The following FIG4 variants were observed in gnomAD, a reference collection of about 807,000 sequenced individuals.
FIG4 encodes polyphosphoinositide phosphatase.
Under a neutral mutation model 118.6 loss-of-function variants are expected in FIG4, and 112 were observed. That is an observed-to-expected ratio of 0.94 (90% CI 0.81 to 1.11). The LOEUF is 1.11. Among genes scored for constraint, FIG4 ranks in the 50% least tolerant of loss-of-function variants. FIG4 has a pLI of 0.00. For synonymous variants in FIG4, 369 were observed against 381.2 expected (o/e 0.97, Z 0.37); for missense variants, 969 against 1,111.7 (o/e 0.87, Z 1.83).
intron 22 of FIG4, among the ~76,000 whole-genome samples, chr6:109,805,043 T>A (rs1052865232): frequency 9.2e-5 from 14 of 152,208 alleles, no homozygotes; most frequent in African/African-American, 3.4e-4. Flanking sequence ...ACAAGGCAGA[T>A]GATAAATATT....
chr6:109,808,671 T>C (rs1305431155), intron 22 of FIG4, among the ~76,000 whole-genome samples: 1 of 152,198 alleles, frequency 6.6e-6, no homozygotes, highest in Non-Finnish European at 1.5e-5. Flanking sequence ...AGACAAACTA[T>C]GTTTCTTTGG....
At position 109,743,228 on chromosome 6, in the gene FIG4, G is replaced by C; in HGVS notation, c.995G>C (p.Trp332Ser). Residue 332 changes from tryptophan to serine, a missense_variant, in exon 9 of 23, where the codon TGG (tryptophan) becomes TCG (serine). By Grantham distance (177) the Trp-to-Ser change is radical. Transcript: ENST00000230124. ...VQVRGSVPLY[W>S]SQDISTMMPK... ...GTTAGAGGATCTGTGCCCTTATACT[G>C]GTCTCAGGACATTTCAACTATGATG... 1 of 1,612,846 alleles carries C rather than the reference G, an allele frequency of 6.2e-7. No homozygotes were observed. Among genetic ancestry groups the C allele is most frequent in the South Asian group, 1.1e-5 (1 of 91,072 alleles).
chr6:109,699,423 AT>A (rs1774832092), intron 1 of FIG4, among the ~76,000 whole-genome samples: 1 of 148,066 alleles, frequency 6.8e-6, no homozygotes, highest in African/African-American at 2.5e-5. Flanking sequence ...AATTTTCTAT[AT>A]TGTGTATTTT....
At position 109,792,596 on chromosome 6, in the gene FIG4, C is replaced by A; in HGVS notation, c.2391C>A (p.Pro797=). 1 of 1,600,686 alleles carries A rather than the reference C, an allele frequency of 6.2e-7. No homozygotes were observed. Among genetic ancestry groups the A allele is most frequent in the Non-Finnish European group, 8.6e-7 (1 of 1,168,678 alleles). The change falls in exon 21 of 23, where the codon CCC becomes CCA. Residue 797 remains proline (P), a synonymous_variant. Transcript: ENST00000230124. The stretch of plus-strand genomic sequence containing the variant: ...TTAAACCCCAGAATGTGGTCCAACC[C>A]ATGAAGGAGCTATATGGAATTAACC... ...SAKVTENVVQ[P]MKELYGINLS...
At chr6:109,793,912 A>G (rs1346056743) in intron 21 of FIG4, among the ~76,000 whole-genome samples, 5 of 152,226 alleles carry the variant, frequency 3.3e-5, no homozygotes, top group African/African-American at 4.8e-5. Context: ...ACTCTGACAC[A>G]CAAACACACA....
In FIG4 at chr6:109,784,959, T is replaced by C; in HGVS notation, c.1890-11T>C. Reference sequence around the variant, plus strand: ...TTTGGTTCATCTTTTTTTTTAATTTTTATTTTATAGTTATACTTACTGGTG... The same window carrying C: ...TTTGGTTCATCTTTTTTTTTAATTTCTATTTTATAGTTATACTTACTGGTG... On this transcript the variant is annotated splice_polypyrimidine_tract_variant and intron_variant, in intron 16 of 22. Transcript: ENST00000230124. The C allele has an allele frequency of 6.9e-7, 1 of 1,449,780 alleles. No individual in the cohort carries two copies. The highest frequency in any genetic ancestry group is 9.5e-7 in the Non-Finnish European group (1 of 1,054,282). 89.8% of individuals were successfully genotyped at this position (1,449,780 alleles called of 1,614,324 possible). A position where few individuals can be genotyped will look rare whatever the true frequency, so the allele number is the denominator to read the frequency against.
Position 109,799,010 on chromosome 6 carries a change from A to G in FIG4, c.2546+2159A>G, listed in dbSNP as rs565242287. 7.2e-5 allele frequency among the ~76,000 whole-genome samples: 11 copies of G among 152,330 alleles called. 1 individual carries two copies. In the South Asian group the frequency reaches 2.3e-3, roughly 32 times the overall value. On this transcript the variant is annotated intron_variant, in intron 22 of 22. Transcript: ENST00000230124. ...TTGTATTATACAAAGTGATTATTCC[A>G]CTAAAATAATATGATACAACTTAGG... is the stretch of plus-strand genomic sequence containing the variant.
At chr6:109,735,585 C>T (rs934557106) in intron 6 of FIG4, among the ~76,000 whole-genome samples, 1 of 152,018 alleles carries the variant, frequency 6.6e-6, no homozygotes, top group African/African-American at 2.4e-5. Flanking sequence ...ACATGGTGTG[C>T]AGAGGTGAAG....
intron 16 of FIG4, among the ~76,000 whole-genome samples, chr6:109,783,980 C>T (rs186345953): frequency 1.3e-5 from 2 of 152,264 alleles, no homozygotes; most frequent in Admixed American, 6.5e-5. Context: ...GCTTGCCATC[C>T]CTAGGAGAGT....
intron 22 of FIG4, among the ~76,000 whole-genome samples, chr6:109,807,284 T>C (rs1486330567): frequency 6.6e-6 from 1 of 152,236 alleles, no homozygotes; most frequent in Admixed American, 6.5e-5. Flanking sequence ...GTTTCCTGAC[T>C]TTTAAATGAT....
At chr6:109,822,863 T>C (rs1487233207) in intron 22 of FIG4, among the ~76,000 whole-genome samples, 1 of 147,842 alleles carries the variant, frequency 6.8e-6, no homozygotes, top group East Asian at 2.0e-4. Context: ...AGAATACATA[T>C]ACATATATAA....
chr6:109,795,216 C>T (rs554849413), intron 21 of FIG4, among the ~76,000 whole-genome samples: 11 of 146,346 alleles, frequency 7.5e-5, no homozygotes, highest in African/African-American at 1.3e-4. Context: ...GCTCCGCTTC[C>T]GGGGTTCACG....
At chr6:109,718,257 A>G (rs180931770) in intron 3 of FIG4, among the ~76,000 whole-genome samples, 15 of 152,296 alleles carry the variant, frequency 9.8e-5, no homozygotes, top group East Asian at 1.9e-4. Flanking sequence ...AAACCATTCA[A>G]TCATCCATCC....
chr6:109,758,940 G>C (rs1777011188), intron 10 of FIG4, among the ~76,000 whole-genome samples: 1 of 152,174 alleles, frequency 6.6e-6, no homozygotes, highest in Non-Finnish European at 1.5e-5. Flanking sequence ...GATTATTTAA[G>C]TCAGGAAACA....
intron 15 of FIG4, 90 bp from the exon 16 acceptor site, chr6:109,776,832 T>G (rs931471013): frequency 9.5e-6 from 10 of 1,051,952 alleles, no homozygotes; most frequent in South Asian, 3.8e-5. Flanking sequence ...TAAATACTAC[T>G]TTTGTACCAC....
At chr6:109,704,651 G>C (rs112885933) in intron 1 of FIG4, among the ~76,000 whole-genome samples, 11,997 of 137,772 alleles carry the variant, frequency 0.087, 830 homozygotes, top group African/African-American at 0.19. Flanking sequence ...ACTCCAGCCT[G>C]GGTGACAGAG....
chr6:109,821,854 T>C (rs757333445), intron 22 of FIG4, among the ~76,000 whole-genome samples: 25 of 152,180 alleles, frequency 1.6e-4, no homozygotes, highest in Non-Finnish European at 3.2e-4. Flanking sequence ...ACAACCCAGA[T>C]TCTTCAACAG....
chr6:109,727,750 G>A (rs922897299), intron 4 of FIG4, among the ~76,000 whole-genome samples: 1 of 152,036 alleles, frequency 6.6e-6, no homozygotes, highest in African/African-American at 2.4e-5. Context: ...TCAGTGGGAA[G>A]GACACAGTTT....
chr6:109,726,654 G>A (rs979663338), intron 3 of FIG4, among the ~76,000 whole-genome samples: 4 of 152,168 alleles, frequency 2.6e-5, no homozygotes, highest in Non-Finnish European at 5.9e-5. Flanking sequence ...GAAAGTCAAT[G>A]GTAGCTTGAT....
Sources: gnomAD v4.1 joint callset for allele counts (sites outside exome capture counted in the v4.1 genomes callset) on GRCh38, gnomAD v4.1.1 for gene constraint, MANE v1.5 for transcripts, NCBI Gene and HGNC (gene_info 2026-07-23, HGNC 2026-07-21) for gene names.